ENPP6: variants seen among roughly 807,000 people sequenced by gnomAD.
ENPP6 encodes glycerophosphocholine cholinephosphodiesterase ENPP6.
In ENPP6, 32 loss-of-function variants were observed where a neutral mutation model predicts 42.0. The ratio of observed to expected loss-of-function variants is 0.76; its 90% CI spans 0.58 to 1.02. The LOEUF (loss-of-function observed/expected upper bound fraction) is 1.02. Among genes scored for constraint, ENPP6 ranks in the 50% least tolerant of loss-of-function variants. ENPP6 has a pLI of 0.00. For synonymous variants in ENPP6, 213 were observed against 216.0 expected (o/e 0.99, Z 0.12); for missense variants, 552 against 566.8 (o/e 0.97, Z 0.27).
chr4:184,172,974 C>T (rs1183864126), intron 1 of ENPP6, among the ~76,000 whole-genome samples: 1 of 152,078 alleles, frequency 6.6e-6, no homozygotes, highest in African/African-American at 2.4e-5. Context: ...AGTGCAGTAG[C>T]GCCAACTACA....
intron 2 of ENPP6, among the ~76,000 whole-genome samples, chr4:184,129,556 C>CA (rs1456305395): frequency 2.0e-5 from 3 of 152,128 alleles, no homozygotes; most frequent in Non-Finnish European, 4.4e-5. Flanking sequence ...TTGTGAAACT[C>CA]AGACAACTTC....
chr4:184,188,815 A>G (rs1260159833), intron 1 of ENPP6, among the ~76,000 whole-genome samples: 1 of 152,184 alleles, frequency 6.6e-6, no homozygotes, highest in Non-Finnish European at 1.5e-5. Context: ...GCCTACTGGT[A>G]GGACCAGCTT....
At chr4:184,181,139 G>C (rs1732545419) in intron 1 of ENPP6, among the ~76,000 whole-genome samples, 1 of 152,182 alleles carries the variant, frequency 6.6e-6, no homozygotes, top group Non-Finnish European at 1.5e-5. Context: ...AGCTTCTGAA[G>C]CTGTTAAGCA....
chr4:184,210,056 A>G (rs1206031183), intron 1 of ENPP6, among the ~76,000 whole-genome samples: 1 of 151,382 alleles, frequency 6.6e-6, no homozygotes, highest in African/African-American at 2.4e-5. Context: ...TGTCACCACC[A>G]GGCCTGTCCT....
intron 1 of ENPP6, among the ~76,000 whole-genome samples, chr4:184,197,887 C>A (rs987526772): frequency 2.6e-5 from 4 of 152,180 alleles, no homozygotes; most frequent in African/African-American, 9.7e-5. Flanking sequence ...TAACTGGAAC[C>A]TGGAATTAGA....
intron 1 of ENPP6, among the ~76,000 whole-genome samples, chr4:184,202,456 T>C (rs1479691454): frequency 1.3e-5 from 2 of 152,110 alleles, no homozygotes; most frequent in African/African-American, 2.4e-5. Context: ...TGTTGGACTA[T>C]CCTTTGGTAT....
At chr4:184,123,267 C>T (rs1350608524) in intron 3 of ENPP6, among the ~76,000 whole-genome samples, 1 of 152,042 alleles carries the variant, frequency 6.6e-6, no homozygotes, top group Non-Finnish European at 1.5e-5. Flanking sequence ...GGGACAGGCC[C>T]TTTCATGTGG....
At chr4:184,106,553 C>T (rs929008442) in intron 6 of ENPP6, among the ~76,000 whole-genome samples, 1 of 152,064 alleles carries the variant, frequency 6.6e-6, no homozygotes, top group Non-Finnish European at 1.5e-5. Context: ...TTCCTCTTCC[C>T]GCCTGACCAC....
intron 5 of ENPP6, among the ~76,000 whole-genome samples, chr4:184,114,041 C>T (rs1028936174): frequency 2.0e-5 from 3 of 151,388 alleles, no homozygotes; most frequent in Non-Finnish European, 4.4e-5. Flanking sequence ...TCTTGGCTCA[C>T]TGCAACCTCC....
chr4:184,214,160 C>T (rs1419707211), intron 1 of ENPP6, among the ~76,000 whole-genome samples: 1 of 146,240 alleles, frequency 6.8e-6, no homozygotes, highest in Non-Finnish European at 1.5e-5. Context: ...TTAGTGGGTG[C>T]AGCGCACCAG....
chr4:184,121,260 G>A (rs1015043211), intron 3 of ENPP6, among the ~76,000 whole-genome samples: 4 of 152,204 alleles, frequency 2.6e-5, no homozygotes, highest in Non-Finnish European at 4.4e-5. Flanking sequence ...GGTCAGTAAT[G>A]CGTTATGAGC....
chr4:184,191,105 C>A (rs754659474), intron 1 of ENPP6, among the ~76,000 whole-genome samples: 4 of 152,240 alleles, frequency 2.6e-5, no homozygotes, highest in African/African-American at 9.6e-5. Flanking sequence ...AAGGGAGAGA[C>A]ACGTAGATGC....
chr4:184,091,627 C>T (rs1265920055), intron 7 of ENPP6, among the ~76,000 whole-genome samples: 2 of 152,004 alleles, frequency 1.3e-5, no homozygotes, highest in Non-Finnish European at 2.9e-5. Context: ...AGCAGCAGAG[C>T]CAGGCTTGGG....
intron 2 of ENPP6, among the ~76,000 whole-genome samples, chr4:184,152,132 C>T (rs886270198): frequency 6.6e-6 from 1 of 152,186 alleles, no homozygotes; most frequent in Non-Finnish European, 1.5e-5. Flanking sequence ...TTCAGAAGCT[C>T]ACCTGCGGGT....
chr4:184,196,953 G>T (rs1732810711), intron 1 of ENPP6, among the ~76,000 whole-genome samples: 1 of 152,224 alleles, frequency 6.6e-6, no homozygotes, highest in Non-Finnish European at 1.5e-5. Context: ...TAGCCAGTCA[G>T]TTCAAAAGAA....
intron 2 of ENPP6, among the ~76,000 whole-genome samples, chr4:184,142,809 A>T (rs1015524010): frequency 6.6e-6 from 1 of 152,242 alleles, no homozygotes; most frequent in Non-Finnish European, 1.5e-5. Flanking sequence ...TAATGAGGCC[A>T]AAGGCCGCGC....
At chr4:184,216,900 TG>T (rs1225775215) in intron 1 of ENPP6, 1 of 152,152 alleles carries the variant, frequency 6.6e-6, no homozygotes, top group Admixed American at 6.5e-5. Flanking sequence ...CCGAGGTTTT[TG>T]TTTGTTTTGT....
chr4:184,130,431 A>T (rs7687566), intron 2 of ENPP6, among the ~76,000 whole-genome samples: 1 of 86,338 alleles, frequency 1.2e-5, no homozygotes, highest in Non-Finnish European at 2.6e-5. Context: ...GGTGGTGGGC[A>T]CCTGTAGTCC....
At chr4:184,151,650 C>T (rs748247163) in intron 2 of ENPP6, among the ~76,000 whole-genome samples, 2 of 152,180 alleles carry the variant, frequency 1.3e-5, no homozygotes, top group African/African-American at 2.4e-5. Flanking sequence ...CTTGATGCTC[C>T]TCAGATTTGT....
Sources: gnomAD v4.1 joint callset for allele counts (sites outside exome capture counted in the v4.1 genomes callset) on GRCh38, gnomAD v4.1.1 for gene constraint, MANE v1.5 for transcripts, NCBI Gene and HGNC (gene_info 2026-07-23, HGNC 2026-07-21) for gene names.